The following ALDH18A1 variants were observed in gnomAD, a reference collection of about 807,000 sequenced individuals.
The protein encoded by ALDH18A1 is delta-1-pyrroline-5-carboxylate synthase.
A neutral mutation model predicts 88.8 loss-of-function variants in ALDH18A1; 44 were observed. The ratio of observed to expected loss-of-function variants is 0.50; its 90% CI spans 0.39 to 0.64. The LOEUF is 0.64. Ranked by LOEUF, ALDH18A1 falls within the 30% of genes least tolerant of loss-of-function variation. The pLI, the probability that ALDH18A1 is intolerant of heterozygous loss-of-function variation, is 0.00. For missense variants in ALDH18A1, 782 were observed against 1,009.5 expected (o/e 0.77, Z 3.05); for synonymous variants, 331 against 372.1 (o/e 0.89, Z 1.27).
chr10:95,649,158 A>G (rs1279548867), intron 2 of ALDH18A1, among the ~76,000 whole-genome samples: 1 of 152,186 alleles, frequency 6.6e-6, no homozygotes, highest in African/African-American at 2.4e-5. Context: ...TGGAACAACT[A>G]GTATTAAAAG....
intron 15 of ALDH18A1, among the ~76,000 whole-genome samples, chr10:95,612,072 A>G (rs779106031): frequency 6.6e-6 from 1 of 152,236 alleles, no homozygotes; most frequent in Non-Finnish European, 1.5e-5. Flanking sequence ...ACTTGACAAT[A>G]AAGATCCCAG....
intron 2 of ALDH18A1, among the ~76,000 whole-genome samples, chr10:95,646,563 G>A (rs936241178): frequency 2.0e-5 from 3 of 151,922 alleles, no homozygotes; most frequent in African/African-American, 4.8e-5. Context: ...ATTGAACAAC[G>A]CCTTTTACCT....
intron 3 of ALDH18A1, among the ~76,000 whole-genome samples, chr10:95,639,066 T>A (rs1455875595): frequency 6.6e-6 from 1 of 152,068 alleles, no homozygotes; most frequent in African/African-American, 2.4e-5. Context: ...GCCCCGACAA[T>A]AATATTTTAT....
chr10:95,607,146 G>A (rs1318901234), intron 17 of ALDH18A1, among the ~76,000 whole-genome samples: 2 of 152,090 alleles, frequency 1.3e-5, no homozygotes, highest in Non-Finnish European at 1.5e-5. Context: ...ACTCCTTCTC[G>A]TGAAACAGTG....
intron 13 of ALDH18A1, among the ~76,000 whole-genome samples, 174 bp downstream of exon 13, chr10:95,616,303 G>T (rs2097844048): frequency 6.6e-6 from 1 of 152,244 alleles, no homozygotes; most frequent in Non-Finnish European, 1.5e-5. Context: ...AAGCCACTGA[G>T]GACCCATCTG....
chr10:95,609,990 G>A (rs890129173), intron 17 of ALDH18A1, among the ~76,000 whole-genome samples: 3 of 151,896 alleles, frequency 2.0e-5, no homozygotes, highest in African/African-American at 7.3e-5. Context: ...CGCTGGTCTC[G>A]AACTCCTGAC....
At chr10:95,611,972 A>AT (rs2097835715) in intron 15 of ALDH18A1, among the ~76,000 whole-genome samples, 1 of 122,840 alleles carries the variant, frequency 8.1e-6, no homozygotes, top group East Asian at 2.0e-4. Context: ...TCCGTCTCAA[A>AT]GAAAAAAAAA....
Position 95,628,392 on chromosome 10 carries a change from C to T in ALDH18A1, c.909G>A (p.Val303=). 6.2e-7 allele frequency: 1 copy of T among 1,614,108 alleles called. No homozygotes were observed. Among genetic ancestry groups the T allele is most frequent in the Non-Finnish European group, 8.5e-7 (1 of 1,179,984 alleles). The change falls in exon 8 of 18, where the codon GTG becomes GTA. Residue 303 remains valine, a synonymous_variant. Transcript: ENST00000371224. ...CCTTGGCTTCCATGCCACCCATTCC[C>T]ACTCTAGACTTGGTTCCAAATGTCA... ...QSVTFGTKSR[V]GMGGMEAKVK... is the part of the protein sequence containing the mutation.
chr10:95,652,884 C>T (rs921384632), intron 2 of ALDH18A1, among the ~76,000 whole-genome samples: 10 of 151,778 alleles, frequency 6.6e-5, no homozygotes, highest in Admixed American at 1.3e-4. Flanking sequence ...TTCTCTCTCT[C>T]TCTTTTAAAC....
At chr10:95,618,068 G>C (rs2097846805) in intron 12 of ALDH18A1, among the ~76,000 whole-genome samples, 1 of 152,130 alleles carries the variant, frequency 6.6e-6, no homozygotes, top group Non-Finnish European at 1.5e-5. Flanking sequence ...ATAGTAAAGA[G>C]GTGCTAGTTT....
Position 95,606,227 on chromosome 10 carries a change from AC to A in ALDH18A1, c.*534del. On this transcript the variant is annotated 3_prime_UTR_variant, in exon 18 of 18. Transcript: ENST00000371224. ...TTATTAATTTACCCCACAAATAAAT[AC>A]AAAAGGTCAATCTTCCCAGTGGAAA... 2 of 991,946 alleles carry A rather than the reference AC, an allele frequency of 2.0e-6. No individual in the cohort carries two copies. The highest frequency in any genetic ancestry group is 4.5e-5 in the South Asian group (1 of 22,134). The allele number at this position is 991,946 out of a possible 1,614,324, so 61.4% of individuals were successfully genotyped here.
intron 2 of ALDH18A1, among the ~76,000 whole-genome samples, chr10:95,643,936 G>A (rs1184855277): frequency 6.6e-6 from 1 of 152,208 alleles, no homozygotes; most frequent in Non-Finnish European, 1.5e-5. Flanking sequence ...CTGAGGTCAG[G>A]AGTTCGAGAC....
At chr10:95,634,594 G>A (rs140789629) in intron 5 of ALDH18A1, among the ~76,000 whole-genome samples, 2 of 152,312 alleles carry the variant, frequency 1.3e-5, no homozygotes, top group Admixed American at 6.5e-5. Flanking sequence ...GGGTTAGTCT[G>A]AGAAATTTAT....
At chr10:95,627,660 T>C (rs1363687399) in intron 8 of ALDH18A1, 74 bp from the exon 9 acceptor site, 43 of 1,562,190 alleles carry the variant, frequency 2.8e-5, no homozygotes, top group Non-Finnish European at 3.5e-5. Context: ...TGCAAAAAGA[T>C]ATAAAATACA....
At chr10:95,609,707 C>T (rs2097829521) in intron 17 of ALDH18A1, among the ~76,000 whole-genome samples, 1 of 151,244 alleles carries the variant, frequency 6.6e-6, no homozygotes, top group Non-Finnish European at 1.5e-5. Flanking sequence ...CTTCCACCAA[C>T]TCATGGGAGG....
chr10:95,606,908 C>T lies in ALDH18A1; in HGVS notation c.2242G>A (p.Ala748Thr), dbSNP rs773903524. 4 of 1,613,996 alleles carry T rather than the reference C, an allele frequency of 2.5e-6. No homozygotes were observed. The highest frequency in any genetic ancestry group is 1.7e-5 in the Admixed American group (1 of 60,002). ...CCCTCAAGTCCTACTGGTCCCCGGG[C>T]GTGGATTCTCGATGTACTGATTCCC... ...EVGISTSRIHARGPVGLEGLL... is the reference protein window; with the variant it reads ...EVGISTSRIHTRGPVGLEGLL... The change falls in exon 18 of 18, where the codon GCC becomes ACC. Residue 748 changes from alanine (A) to threonine (T), a missense_variant. Ala to Thr is a moderately conservative substitution (Grantham distance 58). Transcript: ENST00000371224.
chr10:95,646,469 G>A (rs1412473670), intron 2 of ALDH18A1, among the ~76,000 whole-genome samples: 1 of 152,092 alleles, frequency 6.6e-6, no homozygotes, highest in Non-Finnish European at 1.5e-5. Flanking sequence ...TAACAACAAG[G>A]TTTCATGCAG....
chr10:95,654,512 T>G (rs2097914982), intron 1 of ALDH18A1, among the ~76,000 whole-genome samples: 1 of 152,072 alleles, frequency 6.6e-6, no homozygotes. Flanking sequence ...GGGCCTCCTT[T>G]TAACTTTTGT....
Position 95,613,676 on chromosome 10 carries a change from G to A in ALDH18A1, c.1923+66C>T, listed in dbSNP as rs1185243170. On this transcript the variant is annotated intron_variant, in intron 15 of 17. Coordinates refer to ENST00000371224, the MANE Select transcript of ALDH18A1 (RefSeq NM_002860.4). ...TTAAACTGCCTTATATGGTATGGCT[G>A]TGCCTGGTCTAATTCCACAGGCTTC... is the stretch of plus-strand genomic sequence containing the variant. The A allele has an allele frequency of 9.5e-6, 15 of 1,584,850 alleles. No individual in the cohort carries two copies. The Admixed American group carries it at 2.3e-4, about 25-fold the overall frequency.
Sources: gnomAD v4.1 joint callset for allele counts (sites outside exome capture counted in the v4.1 genomes callset) on GRCh38, gnomAD v4.1.1 for gene constraint, MANE v1.5 for transcripts, NCBI Gene and HGNC (gene_info 2026-07-23, HGNC 2026-07-21) for gene names.